Variants in IMPG2 observed in about 807,000 individuals in gnomAD.
IMPG2 encodes the protein IPM 200.
IMPG2 carries 91 observed loss-of-function variants against 129.2 expected under a neutral mutation model. The ratio of observed to expected loss-of-function variants is 0.70; its 90% confidence interval spans 0.59 to 0.84. IMPG2 has a LOEUF of 0.84. IMPG2 is among the 40% of genes least tolerant of loss of function. The probability of loss-of-function intolerance (pLI) is 0.00; values close to 1 mark genes in which losing one functional copy is unlikely to be tolerated. For synonymous variants in IMPG2, 510 were observed against 517.7 expected, an observed-to-expected ratio of 0.99 and a Z score of 0.20; for missense variants, 1,430 against 1,461.7, an observed-to-expected ratio of 0.98 and a Z score of 0.35.
intron 9 of IMPG2, among the ~76,000 whole-genome samples, chr3:101,262,586 T>C (rs1022907612): frequency 1.3e-5 from 2 of 151,658 alleles, no homozygotes; most frequent in East Asian, 3.9e-4. Context: ...ATCCCCACAC[T>C]ACAAGAAAGG....
chr3:101,276,901 G>A (rs1438173410), intron 4 of IMPG2, among the ~76,000 whole-genome samples, 188 bp from the exon 5 acceptor site: 3 of 151,982 alleles, frequency 2.0e-5, no homozygotes, highest in African/African-American at 7.3e-5. Context: ...ATTTATTGAT[G>A]CCTACTCCAC....
chr3:101,290,276 G>A (rs1223208014), intron 4 of IMPG2, among the ~76,000 whole-genome samples: 14 of 152,258 alleles, frequency 9.2e-5, no homozygotes, highest in South Asian at 2.1e-4. Context: ...GGAGGCTGAG[G>A]CGGGCCAATT....
chr3:101,308,092 C>A (rs551277371), intron 2 of IMPG2, among the ~76,000 whole-genome samples: 1 of 152,374 alleles, frequency 6.6e-6, no homozygotes, highest in East Asian at 1.9e-4. Flanking sequence ...CAGTCTTGGG[C>A]AGCTCCACTG....
At chr3:101,317,108 A>AGG (rs1360762134) in intron 2 of IMPG2, among the ~76,000 whole-genome samples, 2 of 14,848 alleles carry the variant, frequency 1.3e-4, no homozygotes, top group Admixed American at 2.5e-3. Flanking sequence ...GGCATTATAA[A>AGG]TGGTCATGAA....
At chr3:101,267,412 A>G in intron 9 of IMPG2, 99 bp downstream of exon 9, 1 of 990,452 alleles carries the variant, frequency 1.0e-6, no homozygotes, top group Non-Finnish European at 1.6e-6. Context: ...ATTGGAAGTG[A>G]TATAATATTT....
At chr3:101,288,235 T>C (rs950300103) in intron 4 of IMPG2, among the ~76,000 whole-genome samples, 2 of 152,098 alleles carry the variant, frequency 1.3e-5, no homozygotes, top group Non-Finnish European at 2.9e-5. Flanking sequence ...AAATAACAGA[T>C]GTTGATGAGG....
At chr3:101,279,599 C>G (rs1706872493) in intron 4 of IMPG2, among the ~76,000 whole-genome samples, 1 of 152,110 alleles carries the variant, frequency 6.6e-6, no homozygotes, top group Non-Finnish European at 1.5e-5. Context: ...ATAAGGATCA[C>G]AATAAGGCAA....
chr3:101,256,073 A>G (rs970084343), intron 10 of IMPG2, among the ~76,000 whole-genome samples: 1 of 150,948 alleles, frequency 6.6e-6, no homozygotes, highest in African/African-American at 2.4e-5. Flanking sequence ...AAAAAAGAAA[A>G]GAAAAGAAAA....
intron 10 of IMPG2, among the ~76,000 whole-genome samples, chr3:101,256,400 A>G (rs1249969004): frequency 1.3e-5 from 2 of 151,958 alleles, no homozygotes; most frequent in Non-Finnish European, 2.9e-5. Flanking sequence ...CTGGAAAGAC[A>G]AGACTTTTCT....
intron 4 of IMPG2, among the ~76,000 whole-genome samples, chr3:101,285,386 T>C (rs1706933686): frequency 6.6e-6 from 1 of 152,204 alleles, no homozygotes; most frequent in Admixed American, 6.5e-5. Context: ...CAGAAAGACA[T>C]AGACTTCCTG....
chr3:101,304,124 C>T (rs1426552516), intron 3 of IMPG2, 22 bp downstream of exon 3: 1 of 1,612,930 alleles, frequency 6.2e-7, no homozygotes, highest in Admixed American at 1.7e-5. Flanking sequence ...CCAGGAATCC[C>T]TTCCTTTGTT....
chr3:101,270,634 T>TA (rs887727327), intron 7 of IMPG2, among the ~76,000 whole-genome samples: 4 of 151,672 alleles, frequency 2.6e-5, no homozygotes, highest in African/African-American at 9.7e-5. Flanking sequence ...CCGTCTCTAC[T>TA]AAAAAAATAC....
chr3:101,252,442 C>G (rs1706554877), intron 11 of IMPG2, among the ~76,000 whole-genome samples: 1 of 152,112 alleles, frequency 6.6e-6, no homozygotes, highest in Admixed American at 6.6e-5. Context: ...TCATCACTCC[C>G]TGCCACTGGA....
chr3:101,235,929 A>T (rs964260795), intron 14 of IMPG2, among the ~76,000 whole-genome samples: 2 of 152,220 alleles, frequency 1.3e-5, no homozygotes, highest in Non-Finnish European at 2.9e-5. Flanking sequence ...CTGGGAAAAA[A>T]GTTGGCCAGT....
intron 14 of IMPG2, among the ~76,000 whole-genome samples, chr3:101,235,647 C>T (rs1706337667): frequency 6.6e-6 from 1 of 152,116 alleles, no homozygotes; most frequent in African/African-American, 2.4e-5. Flanking sequence ...CTTTCCACTC[C>T]TTTGTGCTAG....
At chr3:101,300,023 G>A (rs535706945) in intron 3 of IMPG2, among the ~76,000 whole-genome samples, 4 of 152,318 alleles carry the variant, frequency 2.6e-5, no homozygotes, top group East Asian at 1.9e-4. Flanking sequence ...CTACCCGTCC[G>A]CAGAGACTGT....
intron 15 of IMPG2, among the ~76,000 whole-genome samples, chr3:101,231,594 T>A (rs1706288496): frequency 6.6e-6 from 1 of 152,200 alleles, no homozygotes; most frequent in South Asian, 2.1e-4. Flanking sequence ...AATCACTGCT[T>A]TTCTAGGTAA....
At chr3:101,293,650 C>T (rs1707045763) in intron 3 of IMPG2, among the ~76,000 whole-genome samples, 1 of 152,190 alleles carries the variant, frequency 6.6e-6, no homozygotes, top group South Asian at 2.1e-4. Context: ...ATTGACTTCT[C>T]TCTAGCTATT....
intron 4 of IMPG2, among the ~76,000 whole-genome samples, chr3:101,286,095 T>G (rs560155373): frequency 3.3e-5 from 5 of 152,134 alleles, no homozygotes; most frequent in Non-Finnish European, 7.4e-5. Flanking sequence ...ATAATTTCCT[T>G]CTCTTTAAGA....
Sources: gnomAD v4.1 joint callset for allele counts (sites outside exome capture counted in the v4.1 genomes callset) on GRCh38, gnomAD v4.1.1 for gene constraint, MANE v1.5 for transcripts, NCBI Gene and HGNC (gene_info 2026-07-23, HGNC 2026-07-21) for gene names.